The following SULF1 variants were observed in gnomAD, a reference collection of about 807,000 sequenced individuals.
SULF1 encodes sulfatase 1.
In SULF1, 46 loss-of-function variants were observed where a neutral mutation model predicts 110.5. That is an observed-to-expected ratio of 0.42 (90% CI 0.33 to 0.53). The LOEUF is 0.53. Among genes scored for constraint, SULF1 ranks in the 20% least tolerant of loss-of-function variants. The pLI is 0.12. For synonymous variants in SULF1, 371 were observed against 387.1 expected (o/e 0.96, Z 0.49); for missense variants, 941 against 1,094.2 (o/e 0.86, Z 1.98).
chr8:69,652,466 T>G (rs6472472), intron 22 of SULF1, among the ~76,000 whole-genome samples: 90,189 of 152,082 alleles, frequency 0.59, 28,367 homozygotes, highest in African/African-American at 0.82. Context: ...TGAAGATTTG[T>G]TAAACTTCTC....
intron 13 of SULF1, among the ~76,000 whole-genome samples, chr8:69,607,668 C>T (rs565444651): frequency 1.3e-5 from 2 of 152,192 alleles, no homozygotes; most frequent in African/African-American, 4.8e-5. Context: ...CCAGGCAGCT[C>T]TGTTGTGTTC....
At chr8:69,507,248 A>G (rs539748491) in intron 3 of SULF1, among the ~76,000 whole-genome samples, 1 of 152,366 alleles carries the variant, frequency 6.6e-6, no homozygotes, top group South Asian at 2.1e-4. Flanking sequence ...TAAATGGCAT[A>G]CTGAAATTAA....
intron 22 of SULF1, among the ~76,000 whole-genome samples, chr8:69,650,482 A>G (rs1296409149): frequency 1.3e-5 from 2 of 151,996 alleles, no homozygotes; most frequent in Non-Finnish European, 2.9e-5. Flanking sequence ...CTAAAAATAC[A>G]ACATTCAAAA....
intron 5 of SULF1, among the ~76,000 whole-genome samples, 192 bp downstream of exon 5, chr8:69,564,339 T>G (rs1815716619): frequency 6.6e-6 from 1 of 152,188 alleles, no homozygotes. Flanking sequence ...TCTGATGTTA[T>G]GCTTTTGAAA....
rs781183494 is a variant in SULF1, at chr8:69,638,818, A to T, written c.2511A>T (p.Gly837=). Residue 837 remains glycine (G), a synonymous_variant, in exon 21 of 23, where the codon GGA becomes GGT. Transcript: ENST00000402687. ...TAATGGAGCTCAGAAGCTGTCAAGG[A>T]TATAAGCAGTGCAACCCAAGACCTA... ...VQLMELRSCQ[G]YKQCNPRPKN... The T allele has an allele frequency of 1.2e-6, 2 of 1,614,144 alleles. No homozygotes were observed. Among genetic ancestry groups the T allele is most frequent in the Admixed American group, 3.3e-5 (2 of 60,012 alleles).
At chr8:69,609,724 A>G (rs7005001) in intron 13 of SULF1, among the ~76,000 whole-genome samples, 118,021 of 152,142 alleles carry the variant, frequency 0.78, 46,215 homozygotes, top group African/African-American at 0.87. Flanking sequence ...AATGGCAATC[A>G]CCACTCACGG....
At chr8:69,635,485 T>C (rs1216670399) in intron 19 of SULF1, among the ~76,000 whole-genome samples, 1 of 152,224 alleles carries the variant, frequency 6.6e-6, no homozygotes, top group Non-Finnish European at 1.5e-5. Flanking sequence ...TTTAAAATCA[T>C]TTCTCATTCA....
chr8:69,631,248 C>T (rs1810519025), intron 19 of SULF1, among the ~76,000 whole-genome samples: 1 of 152,172 alleles, frequency 6.6e-6, no homozygotes, highest in African/African-American at 2.4e-5. Context: ...GTTATAGTTG[C>T]TTATGGCAGA....
intron 1 of SULF1, 64 bp from the exon 2 acceptor site, chr8:69,495,701 T>C (rs1276751328): frequency 6.6e-6 from 1 of 152,238 alleles, no homozygotes; most frequent in Non-Finnish European, 1.5e-5. Flanking sequence ...AGAATACTTA[T>C]TCATAAAAAG....
At chr8:69,633,773 T>C (rs1331358871) in intron 19 of SULF1, among the ~76,000 whole-genome samples, 2 of 152,144 alleles carry the variant, frequency 1.3e-5, no homozygotes, top group Non-Finnish European at 2.9e-5. Flanking sequence ...CATCAACCCG[T>C]CATCTACGTT....
chr8:69,467,903 C>T (rs1453401585), intron 1 of SULF1, among the ~76,000 whole-genome samples: 1 of 152,072 alleles, frequency 6.6e-6, no homozygotes, highest in Non-Finnish European at 1.5e-5. Flanking sequence ...GCCGTAACGG[C>T]TCTACCAAAA....
chr8:69,513,101 A>G (rs968141021), intron 3 of SULF1, among the ~76,000 whole-genome samples: 1 of 152,228 alleles, frequency 6.6e-6, no homozygotes, highest in Admixed American at 6.5e-5. Flanking sequence ...GATTTAGCAC[A>G]GTACTTGCAG....
At chr8:69,481,980 A>G (rs1444622362) in intron 1 of SULF1, among the ~76,000 whole-genome samples, 1 of 152,180 alleles carries the variant, frequency 6.6e-6, no homozygotes, top group Non-Finnish European at 1.5e-5. Context: ...TAAACTCTTA[A>G]CAGCTGTATT....
intron 1 of SULF1, among the ~76,000 whole-genome samples, chr8:69,486,372 G>C (rs1804886757): frequency 6.6e-6 from 1 of 151,832 alleles, no homozygotes; most frequent in Non-Finnish European, 1.5e-5. Flanking sequence ...ACCCAAGTCA[G>C]TTTGTCTCCA....
chr8:69,477,945 C>T (rs1265062507), intron 1 of SULF1, among the ~76,000 whole-genome samples: 2 of 151,936 alleles, frequency 1.3e-5, no homozygotes, highest in Non-Finnish European at 2.9e-5. Flanking sequence ...CAGTGTTGAC[C>T]TCCTGGGCTT....
chr8:69,539,605 GC>G (rs960564155), intron 3 of SULF1, among the ~76,000 whole-genome samples: 2 of 152,132 alleles, frequency 1.3e-5, no homozygotes, highest in Admixed American at 6.5e-5. Context: ...CAATGACTAA[GC>G]CCCTATGATG....
intron 3 of SULF1, among the ~76,000 whole-genome samples, chr8:69,529,329 T>A (rs1193557934): frequency 1.3e-5 from 2 of 152,196 alleles, no homozygotes; most frequent in Non-Finnish European, 2.9e-5. Context: ...TCAGAACCCC[T>A]CTACTCTCTA....
Position 69,624,111 on chromosome 8 carries a change from G to A in SULF1, c.1764G>A (p.Gln588=). The A allele has an allele frequency of 1.2e-6, 2 of 1,613,892 alleles. No individual in the cohort carries two copies. Among genetic ancestry groups the A allele is most frequent in the Non-Finnish European group, 1.7e-6 (2 of 1,179,848 alleles). ...GCCACAAGGGGCCAAGAGATCTCCA[G>A]GCTTCCAGTGGTGGCAACAGGGGCA... ...DEGHKGPRDL[Q]ASSGGNRGRM... is the part of the protein sequence containing the mutation. Residue 588 remains glutamine, a synonymous_variant, in exon 15 of 23, where the codon CAG becomes CAA. Coordinates refer to ENST00000402687, the MANE Select transcript of SULF1 (RefSeq NM_001128205.2).
chr8:69,472,842 A>G (rs890295877), intron 1 of SULF1, among the ~76,000 whole-genome samples: 2 of 152,078 alleles, frequency 1.3e-5, no homozygotes, highest in Non-Finnish European at 2.9e-5. Flanking sequence ...ATTTTAATTT[A>G]ATTTAATTTT....
Sources: gnomAD v4.1 joint callset for allele counts (sites outside exome capture counted in the v4.1 genomes callset) on GRCh38, gnomAD v4.1.1 for gene constraint, MANE v1.5 for transcripts, NCBI Gene and HGNC (gene_info 2026-07-23, HGNC 2026-07-21) for gene names.